Variants in PHKB observed in about 807,000 individuals in gnomAD.
PHKB encodes the protein phosphorylase kinase regulatory subunit beta, also known as phosphorylase b kinase regulatory subunit beta.
PHKB carries 122 observed loss-of-function variants against 152.1 expected under a neutral mutation model. That is an observed-to-expected ratio of 0.80 (90% CI 0.69 to 0.93). The LOEUF (loss-of-function observed/expected upper bound fraction) is 0.93. Among genes scored for constraint, PHKB ranks in the 40% least tolerant of loss-of-function variants. The pLI is 0.00. For missense variants in PHKB, 1,304 were observed against 1,328.4 expected, an observed-to-expected ratio of 0.98 and a Z score of 0.29; for synonymous variants, 436 against 464.9, an observed-to-expected ratio of 0.94 and a Z score of 0.80.
intron 13 of PHKB, among the ~76,000 whole-genome samples, chr16:47,609,445 G>C (rs1284281434): frequency 7.8e-6 from 1 of 128,240 alleles, no homozygotes; most frequent in East Asian, 2.9e-4. Flanking sequence ...GTGGGTGGGG[G>C]GGGGGCACAG....
rs538065548 is a variant in PHKB at position 47,547,070 on chromosome 16, C to T, written c.595-363C>T. Among the ~76,000 whole-genome samples the T allele has an allele frequency of 9.5e-4, 144 of 152,300 alleles. 1 individual carries two copies. The highest frequency in any genetic ancestry group is 3.0e-3 in the African/African-American group (123 of 41,552). On this transcript the variant is annotated intron_variant, in intron 6 of 30. Coordinates refer to ENST00000323584, the MANE Select transcript of PHKB (RefSeq NM_000293.3). ...GACCCCTTGCACTTCCTGGGTGAAG[C>T]GATGCCCCACCCTGCTTCAGCTCGC...
At chr16:47,494,616 T>C (rs1970202262) in intron 1 of PHKB, among the ~76,000 whole-genome samples, 1 of 152,240 alleles carries the variant, frequency 6.6e-6, no homozygotes, top group African/African-American at 2.4e-5. Flanking sequence ...TCTCCTATCA[T>C]TGATAAGTTT....
intron 13 of PHKB, among the ~76,000 whole-genome samples, chr16:47,598,418 A>G (rs1972161305): frequency 6.6e-6 from 1 of 152,204 alleles, no homozygotes; most frequent in Non-Finnish European, 1.5e-5. Flanking sequence ...AAATCTTCCC[A>G]TGACCTCTCT....
intron 1 of PHKB, among the ~76,000 whole-genome samples, chr16:47,490,058 G>A (rs1340701687): frequency 2.0e-5 from 3 of 152,020 alleles, no homozygotes; most frequent in African/African-American, 4.8e-5. Flanking sequence ...ACAAAACAAG[G>A]ATCAGCAATA....
At chr16:47,646,074 T>TG (rs1241821898) in intron 16 of PHKB, among the ~76,000 whole-genome samples, 3 of 15,888 alleles carry the variant, frequency 1.9e-4, no homozygotes, top group Admixed American at 6.5e-4. Context: ...TAAAGACACA[T>TG]GCACACGTAT....
At chr16:47,613,678 G>A (rs1262670577) in intron 14 of PHKB, among the ~76,000 whole-genome samples, 2 of 151,972 alleles carry the variant, frequency 1.3e-5, no homozygotes, top group Admixed American at 6.6e-5. Flanking sequence ...GTAATTTTGT[G>A]TAACCACCGT....
intron 1 of PHKB, chr16:47,463,360 A>G (rs556993847): frequency 6.4e-6 from 1 of 155,302 alleles, no homozygotes; most frequent in East Asian, 1.9e-4. Flanking sequence ...TTTACATCAT[A>G]GTAGTAAAGA....
intron 1 of PHKB, among the ~76,000 whole-genome samples, chr16:47,474,061 A>G (rs1306931951): frequency 1.3e-5 from 2 of 152,088 alleles, no homozygotes; most frequent in African/African-American, 4.8e-5. Context: ...GTTCTGATAT[A>G]TGTCATATAT....
At chr16:47,689,636 G>T (rs575462756) in intron 27 of PHKB, among the ~76,000 whole-genome samples, 4 of 152,138 alleles carry the variant, frequency 2.6e-5, no homozygotes, top group Admixed American at 6.5e-5. Flanking sequence ...CTTACACTAA[G>T]AACAAAACAA....
At chr16:47,667,541 G>T (rs1194705799) in intron 25 of PHKB, among the ~76,000 whole-genome samples, 1 of 151,960 alleles carries the variant, frequency 6.6e-6, no homozygotes, top group African/African-American at 2.4e-5. Context: ...CCTGTTTGTT[G>T]GCTAAAACAG....
rs559002911 is a variant in PHKB, at chr16:47,466,691, T to G, written c.76+5265T>G. On this transcript the variant is annotated intron_variant, in intron 1 of 30. Transcript: ENST00000323584. ...TAATTTAATTTGATGGGCAAATCAG[T>G]ACCTGTTAAAATTTTATTGTATATT... Among the ~76,000 whole-genome samples, 4 of 152,346 alleles carry G rather than the reference T, an allele frequency of 2.6e-5. No homozygotes were observed. The East Asian group carries it at 7.7e-4, about 29-fold the overall frequency.
chr16:47,588,802 T>G (rs1217586971), intron 9 of PHKB, 103 bp from the exon 10 acceptor site: 1 of 966,176 alleles, frequency 1.0e-6, no homozygotes, highest in Non-Finnish European at 1.7e-6. Flanking sequence ...TGCTCACTTT[T>G]GACTGCATAA....
chr16:47,584,220 C>A (rs1971898764), intron 8 of PHKB, among the ~76,000 whole-genome samples: 3 of 151,976 alleles, frequency 2.0e-5, no homozygotes, highest in African/African-American at 7.2e-5. Context: ...CATATATAAT[C>A]CTCAATATGG....
chr16:47,565,443 A>T, intron 7 of PHKB: 1 of 1,385,640 alleles, frequency 7.2e-7, no homozygotes, highest in African/African-American at 1.4e-5. Context: ...ATAGAGCAGG[A>T]GGGTTAGAAC....
At chr16:47,523,601 C>A (rs985179380) in intron 6 of PHKB, among the ~76,000 whole-genome samples, 1 of 152,164 alleles carries the variant, frequency 6.6e-6, no homozygotes. Context: ...AGTATTAGCT[C>A]AGGTCTTTAC....
At position 47,611,035 on chromosome 16, in the gene PHKB, C is replaced by G; in HGVS notation, c.1458+115C>G. The G allele has an allele frequency of 1.4e-6, 1 of 722,328 alleles. No homozygotes were observed. Among genetic ancestry groups the G allele is most frequent in the Non-Finnish European group, 2.5e-6 (1 of 393,074 alleles). 44.7% of individuals were successfully genotyped at this position (722,328 alleles called of 1,614,324 possible). A position where few individuals can be genotyped will look rare whatever the true frequency, so the allele number is the denominator to read the frequency against. On this transcript the variant is annotated intron_variant, in intron 14 of 30. Transcript: ENST00000323584. ...GTTGTTCCTTCTGACGGAAAGGTTT[C>G]TCCCTCTTCTGGTTAGTTAAGATTT...
chr16:47,618,284 G>A (rs984763678), intron 14 of PHKB, among the ~76,000 whole-genome samples: 1 of 151,852 alleles, frequency 6.6e-6, no homozygotes, highest in Non-Finnish European at 1.5e-5. Flanking sequence ...CTCTGGCTTA[G>A]TCTTTTTTGT....
Position 47,669,283 on chromosome 16 carries a change from A to G in PHKB, c.2496A>G (p.Gln832=). The change falls in exon 26 of 31, where the codon CAA becomes CAG. Residue 832 remains glutamine (Q), a synonymous_variant. Transcript: ENST00000323584. ...ATCCTTTGTCTCCAAGAGTGATTCAAAACATCATCTATTATAAGTGTAACA... is the reference window on the plus strand; with the variant it reads ...ATCCTTTGTCTCCAAGAGTGATTCAGAACATCATCTATTATAAGTGTAACA... ...ISNPLSPRVI[Q]NIIYYKCNTH... is the part of the protein sequence containing the mutation. 1 of 1,614,146 alleles carries G rather than the reference A, an allele frequency of 6.2e-7. No homozygotes were observed. The highest frequency in any genetic ancestry group is 8.5e-7 in the Non-Finnish European group (1 of 1,179,996).
intron 26 of PHKB, among the ~76,000 whole-genome samples, chr16:47,676,658 A>G (rs1226422884): frequency 6.6e-6 from 1 of 152,152 alleles, no homozygotes; most frequent in African/African-American, 2.4e-5. Flanking sequence ...TCCAAGGTTA[A>G]TCTTGCCAAT....
Sources: allele counts gnomAD v4.1 joint callset (sites outside exome capture counted in the v4.1 genomes callset), GRCh38; gene constraint gnomAD v4.1.1; transcripts MANE v1.5; gene names NCBI Gene and HGNC (gene_info 2026-07-23, HGNC 2026-07-21).